CNTNAP2: variants seen among roughly 807,000 people sequenced by gnomAD.
CNTNAP2 encodes the protein contactin associated protein 2.
Under a neutral mutation model 155.2 loss-of-function variants are expected in CNTNAP2, and 98 were observed. The ratio of observed to expected loss-of-function variants is 0.63; its 90% CI spans 0.54 to 0.75. The LOEUF (loss-of-function observed/expected upper bound fraction) is 0.75. CNTNAP2 is among the 30% of genes least tolerant of loss of function. The probability of loss-of-function intolerance (pLI) is 0.00; values close to 1 mark genes in which losing one functional copy is unlikely to be tolerated. For synonymous variants in CNTNAP2, 651 were observed against 631.2 expected (o/e 1.03, Z -0.47); for missense variants, 1,727 against 1,688.1 (o/e 1.02, Z -0.40).
intron 1 of CNTNAP2, among the ~76,000 whole-genome samples, chr7:146,681,700 T>C (rs2129169983): frequency 6.6e-6 from 1 of 152,160 alleles, no homozygotes; most frequent in East Asian, 1.9e-4. Context: ...ACCTGGATGA[T>C]GATATAATCT....
intron 3 of CNTNAP2, among the ~76,000 whole-genome samples, chr7:146,882,418 G>C (rs1387097903): frequency 6.6e-6 from 1 of 152,148 alleles, no homozygotes; most frequent in South Asian, 2.1e-4. Flanking sequence ...GGGACTTCAT[G>C]GGAGGTGATT....
intron 3 of CNTNAP2, among the ~76,000 whole-genome samples, chr7:146,896,887 TAATG>T (rs2129212698): frequency 6.6e-6 from 1 of 152,184 alleles, no homozygotes; most frequent in South Asian, 2.1e-4. Context: ...ACTTATTAAT[TAATG>T]AGGGAAATTT....
chr7:147,128,719 T>C lies in CNTNAP2; in HGVS notation c.966T>C (p.Ser322=), dbSNP rs954835249. The C allele has an allele frequency of 2.5e-6, 4 of 1,614,052 alleles. No individual in the cohort carries two copies. The highest frequency in any genetic ancestry group is 3.4e-6 in the Non-Finnish European group (4 of 1,179,942). Residue 322 remains serine (S), a synonymous_variant, in exon 7 of 24, where the codon TCT becomes TCC. Coordinates refer to ENST00000361727, the MANE Select transcript of CNTNAP2 (RefSeq NM_014141.6). ...YEITFGGIPF[S]GKPSSSSRKN... ...TAACCTTTGGAGGCATCCCTTTCTC[T>C]GGCAAGCCCAGCTCCAGCAGTAGAA... is the stretch of plus-strand genomic sequence containing the variant.
chr7:147,910,439 T>G (rs1296775465), intron 14 of CNTNAP2, among the ~76,000 whole-genome samples: 1 of 152,190 alleles, frequency 6.6e-6, no homozygotes, highest in East Asian at 1.9e-4. Flanking sequence ...CAAGGTCATA[T>G]AGTTAAAAAG....
intron 1 of CNTNAP2, among the ~76,000 whole-genome samples, chr7:146,177,269 T>C (rs1418694653): frequency 6.6e-6 from 1 of 152,204 alleles, no homozygotes; most frequent in Non-Finnish European, 1.5e-5. Context: ...GCTGTATTGA[T>C]TTAGTATAAG....
chr7:146,874,853 T>C (rs1380040688), intron 3 of CNTNAP2, among the ~76,000 whole-genome samples: 1 of 152,196 alleles, frequency 6.6e-6, no homozygotes, highest in Non-Finnish European at 1.5e-5. Flanking sequence ...GTCTTATCAG[T>C]TTCCCAATTA....
intron 1 of CNTNAP2, among the ~76,000 whole-genome samples, chr7:146,646,247 G>A (rs1437016861): frequency 1.3e-5 from 2 of 152,136 alleles, no homozygotes; most frequent in African/African-American, 4.8e-5. Context: ...CGAGAAGGGA[G>A]CTTGAACATG....
intron 1 of CNTNAP2, among the ~76,000 whole-genome samples, chr7:146,480,428 T>C (rs1796941858): frequency 1.3e-5 from 2 of 151,874 alleles, no homozygotes; most frequent in African/African-American, 4.8e-5. Flanking sequence ...TATCTTAAAA[T>C]AATATGTAAT....
In CNTNAP2 at chr7:147,465,979, A is replaced by G. The variant is rs374837693; in HGVS notation, c.1671-19956A>G. ...AAACATTGCCATATTTATATCTACT[A>G]TAGGAGCCAAGGGCCCTCTCAAAGC... is the stretch of plus-strand genomic sequence containing the variant. On this transcript the variant is annotated intron_variant, in intron 10 of 23. Coordinates refer to ENST00000361727, the MANE Select transcript of CNTNAP2 (RefSeq NM_014141.6). Among the ~76,000 whole-genome samples, 31 of 152,366 alleles carry G rather than the reference A, an allele frequency of 2.0e-4. 2 individuals carry two copies. Among genetic ancestry groups the G allele is most frequent in the African/African-American group, 7.2e-4 (30 of 41,598 alleles).
intron 13 of CNTNAP2, among the ~76,000 whole-genome samples, chr7:147,700,752 A>G (rs563742130): frequency 6.6e-6 from 1 of 152,242 alleles, no homozygotes; most frequent in East Asian, 1.9e-4. Context: ...GAGTGGTGTG[A>G]AACCAGTGTT....
chr7:146,666,146 C>T (rs1800190837), intron 1 of CNTNAP2, among the ~76,000 whole-genome samples: 1 of 152,116 alleles, frequency 6.6e-6, no homozygotes, highest in African/African-American at 2.4e-5. Context: ...CTCTCTCTCC[C>T]TGTTCCCTAC....
chr7:148,122,867 A>AAAAAAAAAAAAAAAAAAAAAAG (rs543029148), intron 16 of CNTNAP2, among the ~76,000 whole-genome samples: 1 of 150,722 alleles, frequency 6.6e-6, no homozygotes, highest in African/African-American at 2.5e-5. Context: ...AAAAAAAAAG[A>AAAAAAAAAAAAAAAAAAAAAAG]AAAAAAAAGA....
intron 16 of CNTNAP2, among the ~76,000 whole-genome samples, chr7:148,143,126 T>C (rs1805109513): frequency 3.3e-5 from 5 of 152,314 alleles, no homozygotes; most frequent in Admixed American, 2.6e-4. Context: ...AATTATAGAA[T>C]GTTGCCATTT....
chr7:146,125,096 G>C (rs977249061), intron 1 of CNTNAP2, among the ~76,000 whole-genome samples: 1 of 152,160 alleles, frequency 6.6e-6, no homozygotes, highest in South Asian at 2.1e-4. Flanking sequence ...TAGTAGAAGA[G>C]ATTTTCAATG....
intron 16 of CNTNAP2, among the ~76,000 whole-genome samples, chr7:148,121,047 T>C (rs1804584837): frequency 6.6e-6 from 1 of 151,296 alleles, no homozygotes; most frequent in Admixed American, 6.6e-5. Flanking sequence ...TTTTTTTTTA[T>C]TTTTTTTTAT....
chr7:148,099,013 C>A (rs774202254), intron 15 of CNTNAP2, among the ~76,000 whole-genome samples: 1 of 152,090 alleles, frequency 6.6e-6, no homozygotes, highest in Non-Finnish European at 1.5e-5. Flanking sequence ...GCTCTATTTA[C>A]GAGAACAGCC....
intron 1 of CNTNAP2, among the ~76,000 whole-genome samples, chr7:146,578,533 A>G (rs1798560219): frequency 6.6e-6 from 1 of 152,156 alleles, no homozygotes; most frequent in East Asian, 1.9e-4. Flanking sequence ...TTTTGAAAAG[A>G]AGGGATTCCG....
At chr7:147,173,109 C>G (rs1378199759) in intron 8 of CNTNAP2, among the ~76,000 whole-genome samples, 2 of 152,078 alleles carry the variant, frequency 1.3e-5, no homozygotes, top group African/African-American at 4.8e-5. Flanking sequence ...AAGAAAGAAC[C>G]ATACCTGAAG....
intron 1 of CNTNAP2, among the ~76,000 whole-genome samples, chr7:146,631,163 T>C (rs1799504460): frequency 6.6e-6 from 1 of 152,024 alleles, no homozygotes; most frequent in Non-Finnish European, 1.5e-5. Context: ...CAAACTACAC[T>C]ACAAGGCTAC....
Sources: gnomAD v4.1 joint callset for allele counts (sites outside exome capture counted in the v4.1 genomes callset) on GRCh38, gnomAD v4.1.1 for gene constraint, MANE v1.5 for transcripts, NCBI Gene and HGNC (gene_info 2026-07-23, HGNC 2026-07-21) for gene names.